Variants in NEDD4L observed in about 807,000 individuals in gnomAD.
The protein encoded by NEDD4L is NEDD4 like E3 ubiquitin protein ligase, also known as E3 ubiquitin-protein ligase NEDD4-like.
NEDD4L carries 54 observed loss-of-function variants against 148.9 expected under a neutral mutation model. The observed-to-expected ratio is 0.36, with a 90% confidence interval of 0.29 to 0.45. The LOEUF (loss-of-function observed/expected upper bound fraction) is 0.45. NEDD4L is among the 20% of genes least tolerant of loss of function. The pLI, the probability that NEDD4L is intolerant of heterozygous loss-of-function variation, is 1.00. For missense variants in NEDD4L, 856 were observed against 1,233.8 expected (o/e 0.69, Z 4.59); for synonymous variants, 433 against 440.7 (o/e 0.98, Z 0.22).
chr18:58,256,385 C>A lies in NEDD4L; in HGVS notation c.297+4331C>A. The A allele has an allele frequency of 8.1e-7, 1 of 1,232,348 alleles. No homozygotes were observed. Among genetic ancestry groups the A allele is most frequent in the Non-Finnish European group, 1.0e-6 (1 of 988,100 alleles). The allele number at this position is 1,232,348 out of a possible 1,614,324, so 76.3% of individuals were successfully genotyped here. ...GTGTTTTGTCTTCCAGTTGCAGCAG[C>A]CCCAACAAGGCGCTTCGGGGCCAGG... On this transcript the variant is annotated intron_variant, in intron 5 of 30. Coordinates refer to ENST00000400345, the MANE Select transcript of NEDD4L (RefSeq NM_001144967.3). The surrounding 1 kb of genome is among the most constrained non-coding windows in gnomAD (Gnocchi z 5.2).
rs201725607 is a variant in NEDD4L, at chr18:58,264,509, G to T, written c.297+12455G>T. ...CCTTTTTAAAAATTGATACATAATA[G>T]TTGTACCTGTTTATGGGGGTACATG... On this transcript the variant is annotated intron_variant, in intron 5 of 30. Transcript: ENST00000400345. 2.1e-4 allele frequency among the ~76,000 whole-genome samples: 32 copies of T among 152,094 alleles called. No homozygotes were observed. The East Asian group carries it at 5.4e-3, about 26-fold the overall frequency.
chr18:58,330,964 T>C, intron 11 of NEDD4L, 50 bp downstream of exon 11: 1 of 1,576,380 alleles, frequency 6.3e-7, no homozygotes, highest in African/African-American at 1.3e-5. Context: ...TTTTATTGTT[T>C]TTTGTTGCTT....
intron 2 of NEDD4L, among the ~76,000 whole-genome samples, chr18:58,224,081 G>A (rs968837114): frequency 2.6e-5 from 4 of 152,152 alleles, no homozygotes; most frequent in South Asian, 2.1e-4. Flanking sequence ...ATAGAGATCC[G>A]GGAGTCCAGT....
rs1182927314 is a variant in NEDD4L at position 58,082,098 on chromosome 18, A to ATTTTTT, written c.48+37391_48+37392insTTTTTT. 2.7e-3 allele frequency among the ~76,000 whole-genome samples: 195 copies of ATTTTTT among 73,206 alleles called. 4 individuals are homozygous for ATTTTTT. Among genetic ancestry groups the ATTTTTT allele is most frequent in the African/African-American group, 0.015 (155 of 10,534 alleles). The allele number at this position is 73,206 out of a possible 152,430, so 48.0% of individuals were successfully genotyped here. A position where few individuals can be genotyped will look rare whatever the true frequency, so the allele number is the denominator to read the frequency against. ...CTGATGAATATATATATATATATAT[A>ATTTTTT]TATATTTTTTTTTTTTTTTTTTTCT... On this transcript the variant is annotated intron_variant, in intron 1 of 30. Transcript: ENST00000400345.
At chr18:58,058,354 A>G (rs1228564117) in intron 1 of NEDD4L, among the ~76,000 whole-genome samples, 1 of 152,224 alleles carries the variant, frequency 6.6e-6, no homozygotes, top group Non-Finnish European at 1.5e-5. Flanking sequence ...TAGCCACATT[A>G]AAGTGTATGG....
At chr18:58,208,327 C>G (rs2147616777) in intron 2 of NEDD4L, among the ~76,000 whole-genome samples, 1 of 152,304 alleles carries the variant, frequency 6.6e-6, no homozygotes, top group Non-Finnish European at 1.5e-5. Flanking sequence ...ATTAGCACTT[C>G]AGTTGTTTAC....
intron 5 of NEDD4L, among the ~76,000 whole-genome samples, chr18:58,312,459 C>T (rs1231730434): frequency 1.3e-5 from 2 of 152,178 alleles, no homozygotes; most frequent in African/African-American, 4.8e-5. Context: ...AGGTGTTGCA[C>T]TGTGGTGGTG....
chr18:58,195,518 A>T, intron 2 of NEDD4L: 2 of 1,344,538 alleles, frequency 1.5e-6, no homozygotes, highest in Non-Finnish European at 2.0e-6. Flanking sequence ...GCAGGGCCCT[A>T]CCTGGGCGGG....
intron 1 of NEDD4L, among the ~76,000 whole-genome samples, chr18:58,163,963 G>A (rs2146576307): frequency 6.6e-6 from 1 of 151,946 alleles, no homozygotes; most frequent in South Asian, 2.1e-4. Context: ...TAAACATGTT[G>A]GGTAAATGAA....
intron 1 of NEDD4L, among the ~76,000 whole-genome samples, chr18:58,152,605 G>A (rs1349286928): frequency 1.3e-5 from 2 of 152,158 alleles, no homozygotes. Flanking sequence ...AAATTTTATT[G>A]TGCTTCAGAA....
intron 5 of NEDD4L, among the ~76,000 whole-genome samples, chr18:58,290,437 A>ACTGGCAAATCTCACTC (rs1555790932): frequency 3.3e-5 from 5 of 151,728 alleles, no homozygotes; most frequent in African/African-American, 1.2e-4. Context: ...GCTTGATGCT[A>ACTGGCAAATCTCACTC]TTGGCAAATG....
intron 5 of NEDD4L, among the ~76,000 whole-genome samples, chr18:58,307,269 A>T (rs1236568838): frequency 6.6e-6 from 1 of 151,626 alleles, no homozygotes; most frequent in Non-Finnish European, 1.5e-5. Context: ...GATGGTACCT[A>T]GGATTCAGTC....
intron 1 of NEDD4L, among the ~76,000 whole-genome samples, chr18:58,119,464 C>T (rs577251524): frequency 1.3e-5 from 2 of 152,346 alleles, no homozygotes; most frequent in South Asian, 4.1e-4. Context: ...AGCCTGGACT[C>T]CTTCATCAGC....
intron 11 of NEDD4L, among the ~76,000 whole-genome samples, chr18:58,333,108 C>A (rs2041224222): frequency 6.6e-6 from 1 of 151,870 alleles, no homozygotes. Context: ...GAAACCCCAT[C>A]TCTACTAAAA....
intron 1 of NEDD4L, among the ~76,000 whole-genome samples, chr18:58,063,213 TTTTTTATTTTTA>T (rs1260932738): frequency 6.6e-6 from 1 of 151,362 alleles, no homozygotes; most frequent in Non-Finnish European, 1.5e-5. Context: ...GCCTGGCTAA[TTTTTTATTTTTA>T]TTTTTATTTT....
chr18:58,337,005 G>A (rs367588831), intron 13 of NEDD4L, among the ~76,000 whole-genome samples: 20 of 152,270 alleles, frequency 1.3e-4, no homozygotes, highest in African/African-American at 4.8e-4. Flanking sequence ...TGCAACCTGC[G>A]TGTAGCTTTG....
rs547331209 is a variant in NEDD4L at position 58,354,108 on chromosome 18, A to C, written c.1708+3063A>C. On this transcript the variant is annotated intron_variant, in intron 18 of 30. Coordinates refer to ENST00000400345, the MANE Select transcript of NEDD4L (RefSeq NM_001144967.3). The stretch of plus-strand genomic sequence containing the variant: ...TCCTCGATTCCTTTGTTTGCTGTCT[A>C]TGGAATGGCTCCTGGCTCTTGGGCC... 2.6e-5 allele frequency among the ~76,000 whole-genome samples: 4 copies of C among 152,336 alleles called. No individual in the cohort carries two copies. The East Asian group carries it at 7.7e-4, about 29-fold the overall frequency.
chr18:58,224,850 T>A (rs1390677925), intron 2 of NEDD4L, among the ~76,000 whole-genome samples: 2 of 152,246 alleles, frequency 1.3e-5, no homozygotes, highest in Non-Finnish European at 2.9e-5. Flanking sequence ...TTCCTGTTAC[T>A]TTTGTTTTCA....
chr18:58,131,014 AAC>A (rs2032036144), intron 1 of NEDD4L, among the ~76,000 whole-genome samples: 1 of 115,410 alleles, frequency 8.7e-6, no homozygotes, highest in African/African-American at 3.5e-5. Context: ...GATCTAGCAG[AAC>A]AGTGGCGGTG....
Sources: allele counts gnomAD v4.1 joint callset (sites outside exome capture counted in the v4.1 genomes callset), GRCh38; gene constraint gnomAD v4.1.1; non-coding constraint Gnocchi (gnomAD v3.1); transcripts MANE v1.5; gene names NCBI Gene and HGNC (gene_info 2026-07-23, HGNC 2026-07-21).